The following WDR41 variants were observed in gnomAD, a reference collection of about 807,000 sequenced individuals.
The protein encoded by WDR41 is WD repeat-containing protein 41.
WDR41 carries 63 observed loss-of-function variants against 69.3 expected under a neutral mutation model. That is an observed-to-expected ratio of 0.91 (90% CI 0.74 to 1.12). WDR41 has a LOEUF of 1.12. WDR41 is among the 50% of genes most tolerant of loss of function. WDR41 has a pLI of 0.00. For missense variants in WDR41, 543 were observed against 534.5 expected (o/e 1.02, Z -0.16); for synonymous variants, 185 against 192.1 (o/e 0.96, Z 0.31).
intron 1 of WDR41, among the ~76,000 whole-genome samples, chr5:77,544,332 A>G (rs1318157079): frequency 6.6e-6 from 1 of 152,106 alleles, no homozygotes; most frequent in African/African-American, 2.4e-5. Flanking sequence ...CAATACTAAC[A>G]TTGAATGTAA....
At chr5:77,476,950 A>G (rs1227465746) in intron 2 of WDR41, among the ~76,000 whole-genome samples, 7 of 146,588 alleles carry the variant, frequency 4.8e-5, no homozygotes, top group African/African-American at 1.9e-4. Flanking sequence ...AGAGACACAC[A>G]TAGGCTCAAA....
intron 1 of WDR41, among the ~76,000 whole-genome samples, chr5:77,594,630 C>T (rs1322960802): frequency 6.6e-6 from 1 of 152,058 alleles, no homozygotes; most frequent in Non-Finnish European, 1.5e-5. Context: ...GCAGGTTTCC[C>T]TGGCTATGAT....
At chr5:77,491,148 A>G in intron 1 of WDR41, 1 of 407,306 alleles carries the variant, frequency 2.5e-6, no homozygotes, top group Non-Finnish European at 5.0e-6. Flanking sequence ...ACATTCCACC[A>G]CAAAAGTGAA....
rs16874295 is a variant in WDR41 at position 77,458,925 on chromosome 5, C to T, written c.411+137G>A. 12 of 566,322 alleles carry T rather than the reference C, an allele frequency of 2.1e-5. No individual in the cohort carries two copies. In the South Asian group the frequency reaches 2.1e-4, roughly 10 times the overall value. The allele number at this position is 566,322 out of a possible 1,614,324, so 35.1% of individuals were successfully genotyped here. A position where few individuals can be genotyped will look rare whatever the true frequency, so the allele number is the denominator to read the frequency against. ...GTGCTCTCAAAAATCTGATCTTACA[C>T]GAAGCAAATGACTACAAGTGTGTGG... On this transcript the variant is annotated intron_variant, in intron 5 of 12. Transcript: ENST00000296679.
At position 77,613,909 on chromosome 5, in the gene WDR41, T is replaced by G. The variant is rs1744620347; in HGVS notation, c.42+6570A>C. Reference sequence around the variant, plus strand: ...GCAATCTACTCATCTGACAAAGGGCTAATATCCAGAATCTGCAATGAACTC... The same window carrying G: ...GCAATCTACTCATCTGACAAAGGGCGAATATCCAGAATCTGCAATGAACTC... On this transcript the variant is annotated intron_variant, in intron 1 of 5. Coordinates refer to the WDR41 transcript ENST00000509971. Among the ~76,000 whole-genome samples, 3 of 152,330 alleles carry G rather than the reference T, an allele frequency of 2.0e-5. No homozygotes were observed. The South Asian group carries it at 6.2e-4, about 32-fold the overall frequency.
chr5:77,558,489 G>C (rs1301353901), intron 1 of WDR41, among the ~76,000 whole-genome samples: 1 of 152,178 alleles, frequency 6.6e-6, no homozygotes, highest in African/African-American at 2.4e-5. Context: ...GAATTCCCCA[G>C]AGGACTGGGC....
chr5:77,580,904 C>T (rs763916622), intron 1 of WDR41, among the ~76,000 whole-genome samples: 1 of 151,294 alleles, frequency 6.6e-6, no homozygotes, highest in Non-Finnish European at 1.5e-5. Flanking sequence ...TGCAGTGAGC[C>T]GAGATTGCAC....
At chr5:77,453,357 TA>T (rs1177052620) in intron 6 of WDR41, among the ~76,000 whole-genome samples, 13 of 152,374 alleles carry the variant, frequency 8.5e-5, no homozygotes, top group African/African-American at 3.1e-4. Flanking sequence ...CTGATTTGAT[TA>T]TTTTTTTTCT....
At chr5:77,488,369 G>A (rs1203029561) in intron 2 of WDR41, among the ~76,000 whole-genome samples, 1 of 152,002 alleles carries the variant, frequency 6.6e-6, no homozygotes, top group East Asian at 1.9e-4. Flanking sequence ...GGGAGGCCAA[G>A]GTGGGAAGAC....
At chr5:77,469,643 T>C (rs182374545) in intron 2 of WDR41, among the ~76,000 whole-genome samples, 40 of 152,200 alleles carry the variant, frequency 2.6e-4, no homozygotes, top group African/African-American at 9.4e-4. Context: ...TTATTACATT[T>C]ACAATAAAAT....
chr5:77,599,039 G>A (rs1467625625), intron 1 of WDR41, among the ~76,000 whole-genome samples: 1 of 151,614 alleles, frequency 6.6e-6, no homozygotes, highest in Non-Finnish European at 1.5e-5. Context: ...ATAGCTTGAG[G>A]CACTTCAAGC....
chr5:77,518,539 C>G (rs1033984171), intron 1 of WDR41, among the ~76,000 whole-genome samples: 1 of 152,026 alleles, frequency 6.6e-6, no homozygotes, highest in African/African-American at 2.4e-5. Context: ...GCATTATAGC[C>G]TTGTTTTCCC....
upstream of WDR41, among the ~76,000 whole-genome samples, chr5:77,496,995 G>A (rs1438646022): frequency 1.3e-5 from 2 of 152,152 alleles, no homozygotes; most frequent in African/African-American, 2.4e-5. Flanking sequence ...ATCCAATGGG[G>A]AAAGGACAGT....
At chr5:77,555,527 C>T (rs1487881554) in intron 1 of WDR41, among the ~76,000 whole-genome samples, 3 of 152,116 alleles carry the variant, frequency 2.0e-5, no homozygotes, top group Non-Finnish European at 4.4e-5. Flanking sequence ...CCAGGCTGGT[C>T]CTGAACTCCT....
In WDR41 at chr5:77,449,846, G is replaced by C. The variant is rs139030011; in HGVS notation, c.611C>G (p.Thr204Arg). 46 of 1,613,314 alleles carry C rather than the reference G, an allele frequency of 2.9e-5. No homozygotes were observed. The African/African-American group carries it at 5.7e-4, about 20-fold the overall frequency. ...ELIIFRLVAPTEGSLEWDILE... is the reference protein window; with the variant it reads ...ELIIFRLVAPREGSLEWDILE... Reference sequence around the variant, plus strand: ...AATATCCCATTCTAGTGATCCTTCTGTGGGTGCTACCAACCTGAAAATTAC... The same window carrying C: ...AATATCCCATTCTAGTGATCCTTCTCTGGGTGCTACCAACCTGAAAATTAC... Residue 204 changes from threonine (T) to arginine (R), a missense_variant, in exon 8 of 13, where the codon ACA (threonine) becomes AGA (arginine). Transcript: ENST00000296679.
chr5:77,486,957 T>G lies in WDR41; in HGVS notation c.167+2500A>C, dbSNP rs1460452728. Among the ~76,000 whole-genome samples, 6 of 152,224 alleles carry G rather than the reference T, an allele frequency of 3.9e-5. No individual in the cohort carries two copies. In the East Asian group the frequency reaches 1.2e-3, roughly 29 times the overall value. ...CTTTACAGAATATTTACTCTATCATTAAACAACTAAAGTATATGTGAGCAC... is the reference window on the plus strand; with the variant it reads ...CTTTACAGAATATTTACTCTATCATGAAACAACTAAAGTATATGTGAGCAC... On this transcript the variant is annotated intron_variant, in intron 2 of 12. Transcript: ENST00000296679.
chr5:77,556,446 T>G (rs1258038605), intron 1 of WDR41, among the ~76,000 whole-genome samples: 2 of 152,098 alleles, frequency 1.3e-5, no homozygotes, highest in Non-Finnish European at 2.9e-5. Context: ...CTCGCTCTAC[T>G]GCGCAGGCCA....
At chr5:77,556,932 G>A (rs894470108) in intron 1 of WDR41, among the ~76,000 whole-genome samples, 3 of 152,208 alleles carry the variant, frequency 2.0e-5, no homozygotes, top group African/African-American at 4.8e-5. Flanking sequence ...AAGGGAGGGG[G>A]CACCTGGGGT....
intron 2 of WDR41, among the ~76,000 whole-genome samples, chr5:77,470,211 T>C (rs2151335500): frequency 6.6e-6 from 1 of 152,110 alleles, no homozygotes; most frequent in East Asian, 1.9e-4. Flanking sequence ...TAAAATACTT[T>C]ACAGACAAGC....
Sources: gnomAD v4.1 joint callset for allele counts (sites outside exome capture counted in the v4.1 genomes callset) on GRCh38, gnomAD v4.1.1 for gene constraint, MANE v1.5 for transcripts, NCBI Gene and HGNC (gene_info 2026-07-23, HGNC 2026-07-21) for gene names.